The following TMEM268 variants were observed in gnomAD, a reference collection of about 807,000 sequenced individuals.
The protein encoded by TMEM268 is transmembrane protein C9orf91.
Under a neutral mutation model 39.1 loss-of-function variants are expected in TMEM268, and 24 were observed. The observed-to-expected ratio is 0.61, with a 90% CI of 0.44 to 0.86. TMEM268 has a LOEUF of 0.86. TMEM268 is among the 40% of genes least tolerant of loss of function. The probability of loss-of-function intolerance (pLI) is 0.00; values close to 1 mark genes in which losing one functional copy is unlikely to be tolerated. For missense variants in TMEM268, 409 were observed against 428.6 expected, an observed-to-expected ratio of 0.95 and a Z score of 0.40; for synonymous variants, 176 against 173.5, an observed-to-expected ratio of 1.01 and a Z score of -0.12.
chr9:114,616,017 CTTT>C (rs58289502), intron 1 of TMEM268, among the ~76,000 whole-genome samples: 3 of 121,278 alleles, frequency 2.5e-5, no homozygotes, highest in African/African-American at 3.1e-5. Context: ...TTTTTCTTTT[CTTT>C]TTTTTTTTTT....
intron 8 of TMEM268, among the ~76,000 whole-genome samples, chr9:114,641,697 C>T (rs546603945): frequency 2.6e-5 from 4 of 152,184 alleles, no homozygotes; most frequent in South Asian, 2.1e-4. Flanking sequence ...AGTGCAATGG[C>T]GCCATCTTGG....
At chr9:114,614,245 C>T (rs1211863602) in intron 1 of TMEM268, among the ~76,000 whole-genome samples, 2 of 152,182 alleles carry the variant, frequency 1.3e-5, no homozygotes, top group African/African-American at 4.8e-5. Context: ...GAGCCCAGTG[C>T]AGGGCAGATA....
At chr9:114,631,291 A>AAAAAAAAAAAAAGG (rs1554758594) in intron 5 of TMEM268, among the ~76,000 whole-genome samples, 137 of 23,264 alleles carry the variant, frequency 5.9e-3, no homozygotes, top group Non-Finnish European at 0.016. Flanking sequence ...TCAAAAAAAA[A>AAAAAAAAAAAAAGG]AAAAAAAAAA....
intron 5 of TMEM268, among the ~76,000 whole-genome samples, chr9:114,630,089 T>C (rs78049219): frequency 0.03 from 4,600 of 152,308 alleles, 116 homozygotes; most frequent in Middle Eastern, 0.048. Context: ...GTAATTCACA[T>C]GGTGGAGGGA....
chr9:114,626,551 A>G (rs1476242967), intron 3 of TMEM268, among the ~76,000 whole-genome samples: 1 of 152,196 alleles, frequency 6.6e-6, no homozygotes, highest in Non-Finnish European at 1.5e-5. Context: ...ACAGGCTCAG[A>G]GGAGTGGGGT....
chr9:114,627,777 A>G (rs1276259627), intron 4 of TMEM268, among the ~76,000 whole-genome samples: 1 of 152,226 alleles, frequency 6.6e-6, no homozygotes, highest in African/African-American at 2.4e-5. Context: ...GTCCAAAGCC[A>G]TATAGTGCTT....
upstream of TMEM268, among the ~76,000 whole-genome samples, chr9:114,607,368 G>A (rs1163665370): frequency 6.6e-6 from 1 of 152,138 alleles, no homozygotes; most frequent in Non-Finnish European, 1.5e-5. Flanking sequence ...GGTTAAGCAA[G>A]AGTAGGGCTG....
intron 1 of TMEM268, among the ~76,000 whole-genome samples, chr9:114,614,891 C>T (rs1459814221): frequency 7.5e-6 from 1 of 133,670 alleles, no homozygotes; most frequent in Non-Finnish European, 1.6e-5. Context: ...GGTGTCACTG[C>T]CTTTTTTTTT....
intron 8 of TMEM268, among the ~76,000 whole-genome samples, chr9:114,642,294 A>T (rs1319078596): frequency 1.3e-5 from 2 of 152,064 alleles, no homozygotes; most frequent in Non-Finnish European, 2.9e-5. Context: ...CATACAGTAC[A>T]TGTCCTTTTG....
the TMEM268 span, among the ~76,000 whole-genome samples, chr9:114,604,253 G>A: frequency 6.6e-6 from 1 of 151,934 alleles, no homozygotes; most frequent in East Asian, 1.9e-4. Context: ...TGCCCTCTGG[G>A]CAATTTTATG....
intron 5 of TMEM268, among the ~76,000 whole-genome samples, chr9:114,630,508 C>T (rs772530836): frequency 9.2e-5 from 14 of 152,178 alleles, no homozygotes; most frequent in South Asian, 2.1e-4. Context: ...TGGGGCTTCA[C>T]GTCTATGCCC....
intron 2 of TMEM268, among the ~76,000 whole-genome samples, chr9:114,619,005 G>A (rs1845841299): frequency 6.6e-6 from 1 of 152,224 alleles, no homozygotes; most frequent in African/African-American, 2.4e-5. Context: ...AGGGGAAACA[G>A]CATCCAGAAT....
At chr9:114,626,194 C>T (rs1009861699) in intron 3 of TMEM268, among the ~76,000 whole-genome samples, 2 of 152,010 alleles carry the variant, frequency 1.3e-5, no homozygotes, top group Admixed American at 6.6e-5. Context: ...AACTCCTAGG[C>T]TCAAGCAGTC....
intron 2 of TMEM268, among the ~76,000 whole-genome samples, chr9:114,623,898 T>C (rs1846045008): frequency 6.6e-6 from 1 of 152,224 alleles, no homozygotes; most frequent in African/African-American, 2.4e-5. Context: ...ACCAGTTATT[T>C]CTTACTTAGA....
chr9:114,624,828 C>T (rs1846091827), intron 3 of TMEM268, among the ~76,000 whole-genome samples: 2 of 152,190 alleles, frequency 1.3e-5, no homozygotes, highest in African/African-American at 4.8e-5. Context: ...AAGACATTCA[C>T]AGGAGAAAAT....
chr9:114,636,478 G>T (rs757973787), intron 6 of TMEM268, among the ~76,000 whole-genome samples: 5 of 147,224 alleles, frequency 3.4e-5, no homozygotes, highest in Non-Finnish European at 5.9e-5. Context: ...TTTGAACAGG[G>T]TTTAACTTTT....
the TMEM268 span, among the ~76,000 whole-genome samples, chr9:114,604,368 AGGAGTTCGAGACG>A: frequency 3.0e-5 from 1 of 33,090 alleles, no homozygotes. Context: ...ATTTGAGGCC[AGGAGTTCGAGACG>A]AGCCTGGCCA....
At chr9:114,631,434 A>G (rs1846394820) in intron 5 of TMEM268, among the ~76,000 whole-genome samples, 1 of 152,222 alleles carries the variant, frequency 6.6e-6, no homozygotes, top group African/African-American at 2.4e-5. Flanking sequence ...GTTCACTGTC[A>G]TCCTCACTGT....
chr9:114,624,049 G>T (rs571119860), intron 2 of TMEM268: 1 of 248,980 alleles, frequency 4.0e-6, no homozygotes, highest in Non-Finnish European at 7.7e-6. Context: ...ACATTTTTTT[G>T]TGGGGACAAA....
Sources: gnomAD v4.1 joint callset for allele counts (sites outside exome capture counted in the v4.1 genomes callset) on GRCh38, gnomAD v4.1.1 for gene constraint, MANE v1.5 for transcripts, NCBI Gene and HGNC (gene_info 2026-07-23, HGNC 2026-07-21) for gene names.